NYAP2: variants seen among roughly 807,000 people sequenced by gnomAD.
The protein encoded by NYAP2 is neuronal tyrosine-phosphorylated phosphoinositide-3-kinase adaptor 2.
In NYAP2, 23 loss-of-function variants were observed where a neutral mutation model predicts 50.4. The observed-to-expected ratio is 0.46, with a 90% CI of 0.33 to 0.65. The LOEUF (loss-of-function observed/expected upper bound fraction) is 0.65, where lower values mean the gene tolerates loss of function less well. Ranked by LOEUF, NYAP2 falls within the 30% of genes least tolerant of loss-of-function variation. The pLI, the probability that NYAP2 is intolerant of heterozygous loss-of-function variation, is 0.02. For synonymous variants in NYAP2, 394 were observed against 365.2 expected (o/e 1.08, Z -0.90); for missense variants, 885 against 861.0 (o/e 1.03, Z -0.35).
the NYAP2 span, among the ~76,000 whole-genome samples, chr2:225,672,888 G>T: frequency 6.6e-6 from 1 of 152,006 alleles, no homozygotes; most frequent in Admixed American, 6.6e-5. Context: ...TCTTATATGG[G>T]CATGGTTCGT....
exon 5 of NYAP2, chr2:225,581,994 C>T: frequency 1.2e-6 from 2 of 1,613,604 alleles, no homozygotes; most frequent in Non-Finnish European, 1.7e-6. Flanking sequence ...GATTCCTCCT[C>T]CCAAACCGAA....
chr2:225,568,497 G>A lies in NYAP2; in HGVS notation c.524-13444G>A, dbSNP rs143941954. 2.1e-4 allele frequency among the ~76,000 whole-genome samples: 32 copies of A among 152,222 alleles called. No homozygotes were observed. In the East Asian group the frequency reaches 5.6e-3, roughly 27 times the overall value. On this transcript the variant is annotated intron_variant, in intron 4 of 6. Coordinates refer to ENST00000636099, the Ensembl canonical transcript of NYAP2. ...ATAGGGGTGCTCATGACTCTTTAGT[G>A]TTATTACAAAATACCCCAAATTCTG...
At chr2:225,687,563 A>G in the NYAP2 span, among the ~76,000 whole-genome samples, 7 of 152,190 alleles carry the variant, frequency 4.6e-5, no homozygotes, top group Non-Finnish European at 1.0e-4. Context: ...TCTTTAAGAC[A>G]CTTTTGCAAT....
the NYAP2 span, among the ~76,000 whole-genome samples, chr2:225,660,916 G>A: frequency 6.6e-6 from 1 of 152,102 alleles, no homozygotes; most frequent in Non-Finnish European, 1.5e-5. Context: ...TGATCTCAGA[G>A]TGCTATGCAT....
At chr2:225,507,565 G>A (rs1179011779) in intron 3 of NYAP2, among the ~76,000 whole-genome samples, 2 of 152,210 alleles carry the variant, frequency 1.3e-5, no homozygotes, top group Non-Finnish European at 2.9e-5. Context: ...GAGGGCTACA[G>A]TTGCCTAGAT....
intron 5 of NYAP2, among the ~76,000 whole-genome samples, chr2:225,615,948 G>A (rs1433134708): frequency 6.6e-6 from 1 of 152,090 alleles, no homozygotes; most frequent in Non-Finnish European, 1.5e-5. Flanking sequence ...AAACTCTGTT[G>A]AAGAATCTCT....
chr2:225,660,490 C>A, the NYAP2 span, among the ~76,000 whole-genome samples: 1 of 145,514 alleles, frequency 6.9e-6, no homozygotes, highest in Non-Finnish European at 1.5e-5. Flanking sequence ...AAAGATTCCA[C>A]ATACCAGTTT....
intron 4 of NYAP2, among the ~76,000 whole-genome samples, chr2:225,538,523 G>A (rs966701487): frequency 6.6e-6 from 1 of 152,162 alleles, no homozygotes; most frequent in Admixed American, 6.5e-5. Flanking sequence ...GAGTGGCTGG[G>A]ATGCAGGGCA....
intron 3 of NYAP2, among the ~76,000 whole-genome samples, chr2:225,423,596 A>G (rs1005653896): frequency 6.6e-6 from 1 of 152,156 alleles, no homozygotes; most frequent in African/African-American, 2.4e-5. Context: ...GATCTCTCAT[A>G]TTGTGGCCTG....
chr2:225,689,146 G>A, the NYAP2 span, among the ~76,000 whole-genome samples: 1 of 152,178 alleles, frequency 6.6e-6, no homozygotes, highest in African/African-American at 2.4e-5. Context: ...CATGGTAGTT[G>A]AAACCAGCCT....
At chr2:225,436,839 A>T (rs2106137815) in intron 3 of NYAP2, among the ~76,000 whole-genome samples, 1 of 151,162 alleles carries the variant, frequency 6.6e-6, no homozygotes, top group East Asian at 2.0e-4. Context: ...CTTCACTCCC[A>T]CTGTCTCTGG....
chr2:225,418,586 T>G (rs1695162927), intron 3 of NYAP2, among the ~76,000 whole-genome samples: 1 of 152,152 alleles, frequency 6.6e-6, no homozygotes, highest in African/African-American at 2.4e-5. Flanking sequence ...GGATGGTGTT[T>G]CCATTAACTG....
chr2:225,518,562 ATATAT>A (rs1559202537), intron 4 of NYAP2, among the ~76,000 whole-genome samples: 2,156 of 40,084 alleles, frequency 0.054, 472 homozygotes, highest in African/African-American at 0.13. Flanking sequence ...ATATATATAT[ATATAT>A]ATTAGCGTGT....
chr2:225,536,820 C>A (rs1691358941), intron 4 of NYAP2, among the ~76,000 whole-genome samples: 1 of 151,394 alleles, frequency 6.6e-6, no homozygotes, highest in Non-Finnish European at 1.5e-5. Flanking sequence ...GCTCTGTCAC[C>A]CAGGATGGAG....
At chr2:225,695,131 C>T in the NYAP2 span, among the ~76,000 whole-genome samples, 2 of 151,624 alleles carry the variant, frequency 1.3e-5, no homozygotes, top group South Asian at 2.1e-4. Flanking sequence ...ACCTCTATAG[C>T]ATTTCTGCTT....
chr2:225,598,134 G>A (rs1008829146), intron 5 of NYAP2, among the ~76,000 whole-genome samples: 1 of 152,064 alleles, frequency 6.6e-6, no homozygotes, highest in African/African-American at 2.4e-5. Context: ...CTTCACATAC[G>A]ATGCAGTCCA....
the NYAP2 span, among the ~76,000 whole-genome samples, chr2:225,684,626 A>G: frequency 6.6e-6 from 1 of 151,752 alleles, no homozygotes; most frequent in South Asian, 2.1e-4. Context: ...ATCTCAGCTC[A>G]TTGCAACCTC....
intron 5 of NYAP2, among the ~76,000 whole-genome samples, chr2:225,622,958 C>CT (rs1434407851): frequency 2.6e-5 from 4 of 152,162 alleles, no homozygotes; most frequent in Non-Finnish European, 5.9e-5. Context: ...TACTTAGGTC[C>CT]TCCAAATGCT....
chr2:225,690,530 G>T, the NYAP2 span, among the ~76,000 whole-genome samples: 1 of 151,958 alleles, frequency 6.6e-6, no homozygotes. Context: ...TATTTTTCAG[G>T]TTAAGTCACC....
Sources: gnomAD v4.1 joint callset for allele counts (sites outside exome capture counted in the v4.1 genomes callset) on GRCh38, gnomAD v4.1.1 for gene constraint, MANE v1.5 for transcripts, NCBI Gene and HGNC (gene_info 2026-07-23, HGNC 2026-07-21) for gene names.